DIAPH1: variants seen among roughly 807,000 people sequenced by gnomAD.
DIAPH1 encodes the protein diaphanous related formin 1, also known as protein diaphanous homolog 1.
Under a neutral mutation model 140.7 loss-of-function variants are expected in DIAPH1, and 46 were observed. The ratio of observed to expected loss-of-function variants is 0.33; its 90% CI spans 0.26 to 0.42. DIAPH1 has a LOEUF of 0.42. Among genes scored for constraint, DIAPH1 ranks in the 10% least tolerant of loss-of-function variants. DIAPH1 has a pLI of 1.00. For synonymous variants in DIAPH1, 565 were observed against 551.6 expected, an observed-to-expected ratio of 1.02 and a Z score of -0.34; for missense variants, 1,310 against 1,558.7, an observed-to-expected ratio of 0.84 and a Z score of 2.69.
intron 18 of DIAPH1, among the ~76,000 whole-genome samples, chr5:141,555,686 G>C (rs2099892461): frequency 6.6e-6 from 1 of 152,162 alleles, no homozygotes; most frequent in South Asian, 2.1e-4. Flanking sequence ...GGTGGGTATA[G>C]ATAGCACCTT....
At chr5:141,575,557 G>A (rs746590571) in intron 14 of DIAPH1, among the ~76,000 whole-genome samples, 14 of 151,988 alleles carry the variant, frequency 9.2e-5, no homozygotes, top group Non-Finnish European at 1.6e-4. Context: ...GCTGAGGCAG[G>A]AGAACTGCTT....
At chr5:141,570,275 A>C (rs1421630985) in intron 18 of DIAPH1, among the ~76,000 whole-genome samples, 1 of 152,214 alleles carries the variant, frequency 6.6e-6, no homozygotes, top group Non-Finnish European at 1.5e-5. Context: ...GTGAACTTAC[A>C]AATTAGAAAA....
Position 141,566,893 on chromosome 5 carries a change from T to TGAAAAA in DIAPH1, c.2482+4534_2482+4535insTTTTTC, listed in dbSNP as rs1202887980. ...CTGGGCAACAGAGCAAGACTCCATC[T>TGAAAAA]CAAAAACAAAACAAAACAAAACAAA... On this transcript the variant is annotated intron_variant, in intron 18 of 27. Coordinates refer to ENST00000389054, the MANE Select transcript of DIAPH1 (RefSeq NM_005219.5). Among the ~76,000 whole-genome samples, 169 of 58,272 alleles carry TGAAAAA rather than the reference T, an allele frequency of 2.9e-3. 1 individual carries two copies. The East Asian group carries it at 0.088, about 30-fold the overall frequency. The allele number at this position is 58,272 out of a possible 152,430, so 38.2% of individuals were successfully genotyped here. A position where few individuals can be genotyped will look rare whatever the true frequency, so the allele number is the denominator to read the frequency against.
chr5:141,540,976 C>T (rs1447340943), intron 18 of DIAPH1, among the ~76,000 whole-genome samples: 1 of 152,126 alleles, frequency 6.6e-6, no homozygotes, highest in African/African-American at 2.4e-5. Context: ...ATGAGAATCG[C>T]TTGAGCCCGG....
chr5:141,577,965 T>C (rs1159907605), intron 11 of DIAPH1: 2 of 566,080 alleles, frequency 3.5e-6, no homozygotes, highest in African/African-American at 3.8e-5. Flanking sequence ...AGCTAAGCTA[T>C]CACATTCTAG....
chr5:141,528,665 C>T (rs759433754), intron 22 of DIAPH1, 37 bp downstream of exon 22: 2 of 1,614,256 alleles, frequency 1.2e-6, no homozygotes, highest in South Asian at 2.2e-5. Flanking sequence ...AGGCTACAGC[C>T]TTCCTTGTGT....
chr5:141,560,865 G>A (rs925774859), intron 18 of DIAPH1: 1 of 454,738 alleles, frequency 2.2e-6, no homozygotes, highest in Admixed American at 2.4e-5. Flanking sequence ...ACAGCTGCTG[G>A]TTTTCGTCAT....
chr5:141,614,406 C>T (rs2099902325), intron 1 of DIAPH1, among the ~76,000 whole-genome samples: 1 of 151,950 alleles, frequency 6.6e-6, no homozygotes, highest in South Asian at 2.1e-4. Context: ...ATACCAAGGG[C>T]CTTGGGGAAT....
At chr5:141,604,417 C>T (rs1036716010) in intron 1 of DIAPH1, among the ~76,000 whole-genome samples, 21 of 152,194 alleles carry the variant, frequency 1.4e-4, no homozygotes, top group African/African-American at 4.3e-4. Flanking sequence ...AGACTATGAT[C>T]ACTCCTTTAA....
chr5:141,578,423 T>C (rs2099896267), intron 10 of DIAPH1, 80 bp from the exon 11 acceptor site: 1 of 1,547,892 alleles, frequency 6.5e-7, no homozygotes, highest in Admixed American at 1.7e-5. Context: ...AACCTGGTTT[T>C]TAATTGAAAA....
At chr5:141,557,756 C>T (rs577115456) in intron 18 of DIAPH1, 1 of 152,216 alleles carries the variant, frequency 6.6e-6, no homozygotes, top group Non-Finnish European at 1.5e-5. Flanking sequence ...CCATTTTGCT[C>T]TGTGCTCCGC....
intron 18 of DIAPH1, among the ~76,000 whole-genome samples, chr5:141,538,423 G>A (rs762456773): frequency 4.6e-5 from 7 of 151,870 alleles, no homozygotes; most frequent in Non-Finnish European, 8.8e-5. Flanking sequence ...CACAATCTCG[G>A]CTCACTGCAA....
At chr5:141,552,687 C>T (rs1596359597) in intron 18 of DIAPH1, among the ~76,000 whole-genome samples, 1 of 152,054 alleles carries the variant, frequency 6.6e-6, no homozygotes, top group South Asian at 2.1e-4. Flanking sequence ...GAAACTAATA[C>T]ACTCAATATA....
At chr5:141,569,594 C>G (rs1415893873) in intron 18 of DIAPH1, among the ~76,000 whole-genome samples, 1 of 151,964 alleles carries the variant, frequency 6.6e-6, no homozygotes, top group Non-Finnish European at 1.5e-5. Context: ...AAAACTCCAT[C>G]TCTACAAAAA....
intron 13 of DIAPH1, 22 bp downstream of exon 13, chr5:141,576,734 C>T: frequency 1.4e-6 from 2 of 1,453,448 alleles, no homozygotes; most frequent in Non-Finnish European, 1.9e-6. Context: ...CTTGGAGGAG[C>T]CAGATAGAAG....
chr5:141,609,415 TAGTG>T lies in DIAPH1; in HGVS notation c.117+9379_117+9382del, dbSNP rs541021896. On this transcript the variant is annotated intron_variant, in intron 1 of 27. Coordinates refer to ENST00000389054, the MANE Select transcript of DIAPH1 (RefSeq NM_005219.5). ...ACACACATAAACTGTCAGTACAATG[TAGTG>T]AGTAAGTCCATGAGTTTTGAATCAG... Among the ~76,000 whole-genome samples, 1,088 of 152,324 alleles carry T rather than the reference TAGTG, an allele frequency of 7.1e-3. 19 individuals are homozygous for T. Among genetic ancestry groups the T allele is most frequent in the African/African-American group, 0.025 (1,033 of 41,550 alleles).
chr5:141,555,415 C>T lies in DIAPH1; in HGVS notation c.2482+16013G>A, dbSNP rs901877266. On this transcript the variant is annotated intron_variant, in intron 18 of 27. Transcript: ENST00000389054. ...ACTGACAACCAGCAGTAAAGACAGG[C>T]AGTCAAATGTAGAACCCATAGAATG... is the stretch of plus-strand genomic sequence containing the variant. Among the ~76,000 whole-genome samples the T allele has an allele frequency of 2.6e-5, 4 of 152,302 alleles. No homozygotes were observed. The South Asian group carries it at 6.2e-4, about 24-fold the overall frequency.
chr5:141,576,374 A>C, intron 13 of DIAPH1, 80 bp from the exon 14 acceptor site: 1 of 1,091,592 alleles, frequency 9.2e-7, no homozygotes, highest in Non-Finnish European at 1.4e-6. Flanking sequence ...TCCAAAGAAC[A>C]GTCTTTTTGA....
intron 18 of DIAPH1, among the ~76,000 whole-genome samples, chr5:141,545,632 G>A (rs1336175329): frequency 6.6e-6 from 1 of 152,106 alleles, no homozygotes; most frequent in Non-Finnish European, 1.5e-5. Flanking sequence ...AACAGAATGA[G>A]ACCCTGTCTC....
Sources: allele counts gnomAD v4.1 joint callset (sites outside exome capture counted in the v4.1 genomes callset), GRCh38; gene constraint gnomAD v4.1.1; transcripts MANE v1.5; gene names NCBI Gene and HGNC (gene_info 2026-07-23, HGNC 2026-07-21).